Variants in FAM227B observed in about 807,000 individuals in gnomAD.
FAM227B encodes the protein family with sequence similarity 227 member B.
In FAM227B, 88 loss-of-function variants were observed where a neutral mutation model predicts 73.8. That is an observed-to-expected ratio of 1.19 (90% CI 1.00 to 1.42). FAM227B has a LOEUF of 1.42. FAM227B is among the 40% of genes most tolerant of loss of function. The pLI, the probability that FAM227B is intolerant of heterozygous loss-of-function variation, is 0.00. For synonymous variants in FAM227B, 210 were observed against 190.5 expected (o/e 1.10, Z -0.84); for missense variants, 632 against 590.9 (o/e 1.07, Z -0.72).
intron 3 of FAM227B, among the ~76,000 whole-genome samples, chr15:49,592,158 G>A (rs570487329): frequency 2.0e-5 from 3 of 152,216 alleles, no homozygotes; most frequent in South Asian, 4.1e-4. Flanking sequence ...ACCTCCTAGA[G>A]CCTACTTCTG....
intron 13 of FAM227B, among the ~76,000 whole-genome samples, chr15:49,348,706 T>C (rs1224819945): frequency 1.3e-5 from 2 of 152,206 alleles, no homozygotes; most frequent in Non-Finnish European, 2.9e-5. Context: ...ATCTGATCAA[T>C]ATTTACTTGA....
intron 10 of FAM227B, among the ~76,000 whole-genome samples, chr15:49,517,986 G>A (rs2059498493): frequency 6.6e-6 from 1 of 151,902 alleles, no homozygotes; most frequent in Non-Finnish European, 1.5e-5. Context: ...TCTTATTTCT[G>A]GTAATATTTC....
chr15:49,604,226 A>G (rs1567686134), intron 3 of FAM227B, among the ~76,000 whole-genome samples: 1 of 152,180 alleles, frequency 6.6e-6, no homozygotes, highest in Admixed American at 6.5e-5. Flanking sequence ...TTGAACTTGA[A>G]GAACTCCCTT....
At chr15:49,351,256 A>G (rs1457030860) in intron 13 of FAM227B, among the ~76,000 whole-genome samples, 1 of 152,184 alleles carries the variant, frequency 6.6e-6, no homozygotes, top group Non-Finnish European at 1.5e-5. Flanking sequence ...CTTCCACACA[A>G]TGCAAAAATG....
At chr15:49,395,828 G>C in intron 11 of FAM227B, 1 of 409,760 alleles carries the variant, frequency 2.4e-6, no homozygotes. Flanking sequence ...GAAGTTTAAA[G>C]AGTTAAACTC....
chr15:49,533,816 C>A (rs192649959), intron 10 of FAM227B, among the ~76,000 whole-genome samples: 4 of 151,800 alleles, frequency 2.6e-5, no homozygotes, highest in Admixed American at 2.6e-4. Flanking sequence ...GTTTTTTAAT[C>A]CATTCAGCCC....
At chr15:49,593,853 C>T (rs1315699368) in intron 3 of FAM227B, among the ~76,000 whole-genome samples, 2 of 152,146 alleles carry the variant, frequency 1.3e-5, no homozygotes, top group South Asian at 2.1e-4. Context: ...GGGCTGGTTC[C>T]ATATTTTTGC....
At position 49,376,746 on chromosome 15, in the gene FAM227B, G is replaced by GT. The variant is rs563245743; in HGVS notation, c.1013-5348dup. Among the ~76,000 whole-genome samples the GT allele has an allele frequency of 1.5e-3, 235 of 152,072 alleles. 2 individuals carry two copies. Among genetic ancestry groups the GT allele is most frequent in the African/African-American group, 5.5e-3 (229 of 41,520 alleles). ...ATATTCCAATACATTAGCATGGGAGGTTTTTTCATTCATTTAGGTCTTCTA... is the reference window on the plus strand; with the variant it reads ...ATATTCCAATACATTAGCATGGGAGGTTTTTTTCATTCATTTAGGTCTTCTA... On this transcript the variant is annotated intron_variant, in intron 11 of 15. Coordinates refer to ENST00000299338, the MANE Select transcript of FAM227B (RefSeq NM_152647.3).
At chr15:49,457,252 C>G (rs1259658237) in intron 11 of FAM227B, among the ~76,000 whole-genome samples, 1 of 151,868 alleles carries the variant, frequency 6.6e-6, no homozygotes, top group Non-Finnish European at 1.5e-5. Context: ...TCGTTTAATA[C>G]TATAATATTC....
At chr15:49,577,808 TG>T (rs1213050051) in intron 5 of FAM227B, 144 bp from the exon 6 acceptor site, 16 of 485,734 alleles carry the variant, frequency 3.3e-5, no homozygotes, top group Non-Finnish European at 5.5e-5. Context: ...ACTATTGCTG[TG>T]TTTGATATTG....
intron 11 of FAM227B, among the ~76,000 whole-genome samples, chr15:49,503,187 TTTA>T (rs1281181310): frequency 6.6e-6 from 1 of 152,200 alleles, no homozygotes; most frequent in African/African-American, 2.4e-5. Context: ...GGATTCCCTG[TTTA>T]ATAAATGGTG....
intron 3 of FAM227B, among the ~76,000 whole-genome samples, chr15:49,602,290 A>T (rs564462332): frequency 3.3e-5 from 5 of 152,122 alleles, no homozygotes; most frequent in Admixed American, 6.5e-5. Context: ...TTTTCTCCAC[A>T]TCCTCACTAG....
chr15:49,587,133 C>T (rs954934056), intron 5 of FAM227B, among the ~76,000 whole-genome samples: 4 of 152,118 alleles, frequency 2.6e-5, no homozygotes, highest in Non-Finnish European at 4.4e-5. Context: ...ATATACACCA[C>T]GGAATACTAT....
chr15:49,471,019 C>T (rs1487808200), intron 11 of FAM227B, among the ~76,000 whole-genome samples: 3 of 152,196 alleles, frequency 2.0e-5, no homozygotes, highest in African/African-American at 7.2e-5. Context: ...ATAATATAAA[C>T]TGTTTTTCTT....
intron 11 of FAM227B, among the ~76,000 whole-genome samples, chr15:49,394,476 A>T (rs1322740227): frequency 6.6e-6 from 1 of 152,158 alleles, no homozygotes; most frequent in Non-Finnish European, 1.5e-5. Context: ...GGTGCATGGG[A>T]GAAATAAAGT....
rs2076428396 is a variant in FAM227B, at chr15:49,590,027, G to C, written c.106-20C>G. 2 of 1,214,644 alleles carry C rather than the reference G, an allele frequency of 1.6e-6. No homozygotes were observed. Among genetic ancestry groups the C allele is most frequent in the Non-Finnish European group, 2.4e-6 (2 of 820,268 alleles). The allele number at this position is 1,214,644 out of a possible 1,614,324, so 75.2% of individuals were successfully genotyped here. ...ATAATCCTGCAAAAAACGTGAAAGA[G>C]AGAATATAGCTTAAGTCATTTTTAA... On this transcript the variant is annotated intron_variant, in intron 3 of 15. Coordinates refer to ENST00000299338, the MANE Select transcript of FAM227B (RefSeq NM_152647.3).
chr15:49,335,285 ATC>A, intron 14 of FAM227B, 132 bp downstream of exon 14: 3 of 600,980 alleles, frequency 5.0e-6, no homozygotes, highest in South Asian at 2.2e-5. Flanking sequence ...CCTGAAAAGA[ATC>A]TCTGAGTCTA....
intron 11 of FAM227B, among the ~76,000 whole-genome samples, chr15:49,468,850 C>T (rs558962657): frequency 1.9e-4 from 29 of 152,270 alleles, no homozygotes; most frequent in African/African-American, 7.0e-4. Flanking sequence ...TAAGCAGTCA[C>T]TCTGCTTAAC....
At chr15:49,542,656 G>C (rs1405503878) in intron 9 of FAM227B, among the ~76,000 whole-genome samples, 1 of 151,298 alleles carries the variant, frequency 6.6e-6, no homozygotes, top group Admixed American at 6.6e-5. Context: ...AGGTTGCTGT[G>C]AATGCCATTA....
Sources: gnomAD v4.1 joint callset for allele counts (sites outside exome capture counted in the v4.1 genomes callset) on GRCh38, gnomAD v4.1.1 for gene constraint, MANE v1.5 for transcripts, NCBI Gene and HGNC (gene_info 2026-07-23, HGNC 2026-07-21) for gene names.